The following ZMAT4 variants were observed in gnomAD, a reference collection of about 807,000 sequenced individuals.
ZMAT4 encodes the protein zinc finger matrin-type protein 4.
In ZMAT4, 17 loss-of-function variants were observed where a neutral mutation model predicts 28.7. The ratio of observed to expected loss-of-function variants is 0.59; its 90% CI spans 0.41 to 0.89. The LOEUF (loss-of-function observed/expected upper bound fraction) is 0.89. Among genes scored for constraint, ZMAT4 ranks in the 40% least tolerant of loss-of-function variants. The pLI is 0.00. For synonymous variants in ZMAT4, 117 were observed against 109.2 expected, an observed-to-expected ratio of 1.07 and a Z score of -0.44; for missense variants, 240 against 283.8, an observed-to-expected ratio of 0.85 and a Z score of 1.11.
intron 6 of ZMAT4, among the ~76,000 whole-genome samples, chr8:40,556,029 C>T (rs1173273308): frequency 6.6e-6 from 1 of 152,088 alleles, no homozygotes; most frequent in Non-Finnish European, 1.5e-5. Context: ...AAAACTCTGC[C>T]CTCTATTCTG....
intron 5 of ZMAT4, among the ~76,000 whole-genome samples, chr8:40,671,512 TA>T (rs756695999): frequency 6.8e-4 from 103 of 152,350 alleles, no homozygotes; most frequent in Non-Finnish European, 1.2e-3. Flanking sequence ...CTTTATATGC[TA>T]TAAATGGATA....
rs543356557 is a variant in ZMAT4, at chr8:40,605,114, T to A, written c.578-23853A>T. Among the ~76,000 whole-genome samples the A allele has an allele frequency of 2.3e-4, 35 of 152,308 alleles. No individual in the cohort carries two copies. The South Asian group carries it at 7.2e-3, about 32-fold the overall frequency. ...TCACTAATGCTTTATCAATTTTGTC[T>A]TTTCAAACAACCAGCTTTTTGTTTC... On this transcript the variant is annotated intron_variant, in intron 5 of 6. Coordinates refer to ENST00000297737, the MANE Select transcript of ZMAT4 (RefSeq NM_024645.3).
intron 5 of ZMAT4, among the ~76,000 whole-genome samples, chr8:40,615,220 A>G (rs1227493700): frequency 6.6e-6 from 1 of 152,126 alleles, no homozygotes; most frequent in Non-Finnish European, 1.5e-5. Flanking sequence ...TCTGGGTTGA[A>G]AATTCTTTTC....
At chr8:40,587,484 TAGC>T (rs1310553017) in intron 5 of ZMAT4, among the ~76,000 whole-genome samples, 1 of 152,144 alleles carries the variant, frequency 6.6e-6, no homozygotes, top group Admixed American at 6.5e-5. Context: ...TCTATGACAA[TAGC>T]AGCACAAGAA....
intron 5 of ZMAT4, among the ~76,000 whole-genome samples, chr8:40,592,818 C>T (rs1288369786): frequency 1.3e-5 from 2 of 152,190 alleles, no homozygotes; most frequent in Admixed American, 6.5e-5. Flanking sequence ...TAGATTTTAA[C>T]ATTTGAGCAA....
At chr8:40,782,746 G>C (rs1430653367) in intron 2 of ZMAT4, among the ~76,000 whole-genome samples, 1 of 152,096 alleles carries the variant, frequency 6.6e-6, no homozygotes, top group Non-Finnish European at 1.5e-5. Context: ...CTTGAGGGGA[G>C]GTATTGGTTC....
chr8:40,621,186 G>A (rs1166299481), intron 5 of ZMAT4, among the ~76,000 whole-genome samples: 1 of 152,146 alleles, frequency 6.6e-6, no homozygotes, highest in South Asian at 2.1e-4. Context: ...TCTCGGGAAA[G>A]TTACTTAGTG....
chr8:40,543,582 T>G (rs1803109619), intron 6 of ZMAT4, among the ~76,000 whole-genome samples: 1 of 152,178 alleles, frequency 6.6e-6, no homozygotes, highest in African/African-American at 2.4e-5. Context: ...CAGCACCGTC[T>G]AAATCATGGA....
intron 5 of ZMAT4, among the ~76,000 whole-genome samples, chr8:40,656,470 T>C (rs904511816): frequency 7.9e-5 from 12 of 152,244 alleles, no homozygotes; most frequent in African/African-American, 2.9e-4. Context: ...TGATAGCATA[T>C]ATCCACACAA....
At chr8:40,803,759 C>T (rs1814957322) in intron 2 of ZMAT4, among the ~76,000 whole-genome samples, 1 of 152,040 alleles carries the variant, frequency 6.6e-6, no homozygotes, top group South Asian at 2.1e-4. Context: ...AACTTGTGCC[C>T]ACAAAAAAAG....
intron 3 of ZMAT4, among the ~76,000 whole-genome samples, chr8:40,747,033 G>A (rs897687915): frequency 6.6e-6 from 1 of 152,144 alleles, no homozygotes; most frequent in African/African-American, 2.4e-5. Flanking sequence ...GCACTTATGA[G>A]AGCTGCCACT....
At chr8:40,653,421 G>A (rs1807775011) in intron 5 of ZMAT4, among the ~76,000 whole-genome samples, 1 of 151,854 alleles carries the variant, frequency 6.6e-6, no homozygotes, top group Non-Finnish European at 1.5e-5. Flanking sequence ...AATAGAAGAA[G>A]ATGAAATAGA....
chr8:40,810,599 T>A (rs970307196), intron 2 of ZMAT4, among the ~76,000 whole-genome samples: 1 of 152,174 alleles, frequency 6.6e-6, no homozygotes, highest in South Asian at 2.1e-4. Context: ...AATATGAATA[T>A]GAAAAATGGA....
intron 5 of ZMAT4, among the ~76,000 whole-genome samples, chr8:40,630,993 G>A (rs1453995027): frequency 6.6e-6 from 1 of 151,088 alleles, no homozygotes; most frequent in African/African-American, 2.4e-5. Context: ...TTTTTTCATG[G>A]CAAGTGTTGA....
chr8:40,692,125 A>G (rs1311938123), intron 4 of ZMAT4, among the ~76,000 whole-genome samples: 1 of 152,226 alleles, frequency 6.6e-6, no homozygotes, highest in African/African-American at 2.4e-5. Flanking sequence ...AGTATTAATT[A>G]AATACCTACT....
chr8:40,659,729 T>C (rs988562712), intron 5 of ZMAT4, among the ~76,000 whole-genome samples: 1 of 152,170 alleles, frequency 6.6e-6, no homozygotes, highest in Non-Finnish European at 1.5e-5. Flanking sequence ...AGAGATCACC[T>C]ATCCCAACAC....
chr8:40,559,638 C>A (rs1015053724), intron 6 of ZMAT4, among the ~76,000 whole-genome samples: 1 of 152,118 alleles, frequency 6.6e-6, no homozygotes, highest in Non-Finnish European at 1.5e-5. Context: ...AAAATAAAGT[C>A]TCCCTTCAAA....
chr8:40,830,677 GA>G (rs1816248338), intron 1 of ZMAT4, among the ~76,000 whole-genome samples: 1 of 152,188 alleles, frequency 6.6e-6, no homozygotes, highest in Admixed American at 6.5e-5. Flanking sequence ...CTGTGTGGAG[GA>G]AACAAAAGCA....
chr8:40,830,293 T>A (rs1816233191), intron 1 of ZMAT4, among the ~76,000 whole-genome samples: 1 of 152,126 alleles, frequency 6.6e-6, no homozygotes. Context: ...TTAAACATTA[T>A]ACCCACTAGG....
Sources: allele counts gnomAD v4.1 joint callset (sites outside exome capture counted in the v4.1 genomes callset), GRCh38; gene constraint gnomAD v4.1.1; transcripts MANE v1.5; gene names NCBI Gene and HGNC (gene_info 2026-07-23, HGNC 2026-07-21).